The following KANSL1 variants were observed in gnomAD, a reference collection of about 807,000 sequenced individuals.
KANSL1 encodes the protein KAT8 regulatory NSL complex subunit 1, also known as MLL1/MLL complex subunit KANSL1.
KANSL1 carries 22 observed loss-of-function variants against 103.6 expected under a neutral mutation model. The ratio of observed to expected loss-of-function variants is 0.21; its 90% confidence interval spans 0.15 to 0.30. The LOEUF (loss-of-function observed/expected upper bound fraction) is 0.30, where lower values mean the gene tolerates loss of function less well. Ranked by LOEUF, KANSL1 falls within the 10% of genes least tolerant of loss-of-function variation. The pLI, the probability that KANSL1 is intolerant of heterozygous loss-of-function variation, is 1.00. For synonymous variants in KANSL1, 600 were observed against 527.6 expected (o/e 1.14, Z -1.88); for missense variants, 1,337 against 1,399.8 (o/e 0.96, Z 0.72).
At chr17:46,190,087 T>C (rs1036891054) in intron 1 of KANSL1, among the ~76,000 whole-genome samples, 4 of 152,200 alleles carry the variant, frequency 2.6e-5, no homozygotes, top group African/African-American at 7.2e-5. Context: ...AAACTTCTTA[T>C]TCACTTTAAA....
At chr17:46,090,130 G>C (rs189438881) in intron 3 of KANSL1, among the ~76,000 whole-genome samples, 102 of 152,336 alleles carry the variant, frequency 6.7e-4, no homozygotes, top group Non-Finnish European at 1.2e-3. Flanking sequence ...CAAAGAGAAA[G>C]ATGGTCATAT....
At position 46,207,327 on chromosome 17, in the gene KANSL1, T is replaced by C. The variant is rs184672870; in HGVS notation, c.-90+16344A>G. On this transcript the variant is annotated intron_variant, in intron 1 of 14. Transcript: ENST00000572904. ...GAGTTCAAGACCAACCTGGCCAAGATGGTGAAACCCCATCTCTACTAAAAA... is the reference window on the plus strand; with the variant it reads ...GAGTTCAAGACCAACCTGGCCAAGACGGTGAAACCCCATCTCTACTAAAAA... 7.5e-3 allele frequency among the ~76,000 whole-genome samples: 1,147 copies of C among 152,090 alleles called. 16 individuals carry two copies. Among genetic ancestry groups the C allele is most frequent in the Non-Finnish European group, 6.8e-3 (465 of 67,948 alleles).
chr17:46,050,756 G>C, intron 6 of KANSL1, 52 bp from the exon 7 acceptor site: 2 of 1,552,080 alleles, frequency 1.3e-6, no homozygotes, highest in Non-Finnish European at 1.8e-6. Flanking sequence ...TAAAAAGCCA[G>C]CTACCCATTT....
At chr17:46,109,160 C>T (rs2042696321) in intron 2 of KANSL1, among the ~76,000 whole-genome samples, 1 of 152,144 alleles carries the variant, frequency 6.6e-6, no homozygotes, top group Admixed American at 6.5e-5. Context: ...GTTGCCCAGG[C>T]TGGTCTCAAA....
chr17:46,120,925 C>T (rs1224376046), intron 2 of KANSL1, among the ~76,000 whole-genome samples: 1 of 152,166 alleles, frequency 6.6e-6, no homozygotes, highest in Non-Finnish European at 1.5e-5. Context: ...AAACTGAACT[C>T]CGATCTTCTC....
chr17:46,171,144 T>G lies in KANSL1; in HGVS notation c.1000A>C (p.Asn334His), dbSNP rs112150341. Residue 334 changes from asparagine (N) to histidine (H), a missense_variant, in exon 2 of 15, where the codon AAC becomes CAC. Transcript: ENST00000432791. ...CTCCGTGGTCTCAAGGATTCCAAGT[T>G]TGGCAGTTTGCTCAAAGTCTTCTCC... ...FLEKTLSKLP[N>H]LESLRPRSQL... The G allele has an allele frequency of 2.5e-6, 4 of 1,614,174 alleles. No individual in the cohort carries two copies. The South Asian group carries it at 4.4e-5, about 18-fold the overall frequency.
chr17:46,051,017 T>C (rs995875996), intron 6 of KANSL1, among the ~76,000 whole-genome samples: 15 of 152,240 alleles, frequency 9.9e-5, no homozygotes. Context: ...ACTAAAACTG[T>C]GCTTTCTGAG....
At chr17:46,196,881 A>G (rs1197112171), upstream of KANSL1, among the ~76,000 whole-genome samples, 1 of 152,186 alleles carries the variant, frequency 6.6e-6, no homozygotes, top group Non-Finnish European at 1.5e-5. Flanking sequence ...CCAATGTGAG[A>G]GTATTGCTTG....
chr17:46,206,083 C>CCAAAA (rs1491578296), intron 1 of KANSL1, among the ~76,000 whole-genome samples: 2 of 89,598 alleles, frequency 2.2e-5, no homozygotes, highest in Non-Finnish European at 2.0e-5. Context: ...CTGTGTCCCC[C>CCAAAA]AAAAAAAAAA....
chr17:46,094,434 T>C lies in KANSL1; in HGVS notation c.1431+126A>G, dbSNP rs902909611. On this transcript the variant is annotated intron_variant, in intron 3 of 14. Transcript: ENST00000432791. ...TAAATTAAACCACTATATCAGGTCATTAAACCATTTACTTTGCAATAGTTA... is the reference window on the plus strand; with the variant it reads ...TAAATTAAACCACTATATCAGGTCACTAAACCATTTACTTTGCAATAGTTA... 44 of 1,166,826 alleles carry C rather than the reference T, an allele frequency of 3.8e-5. No individual in the cohort carries two copies. The African/African-American group carries it at 5.5e-4, about 14-fold the overall frequency. 72.3% of individuals were successfully genotyped at this position (1,166,826 alleles called of 1,614,324 possible).
At chr17:46,096,311 C>CTTTCTTTCTTTCTTTTTTTTTTTTTTTT (rs753073992) in intron 2 of KANSL1, among the ~76,000 whole-genome samples, 42 of 76,386 alleles carry the variant, frequency 5.5e-4, no homozygotes, top group Non-Finnish European at 8.9e-4. Context: ...GCTTTTTTTT[C>CTTTCTTTCTTTCTTTTTTTTTTTTTTTT]TTTTTTTTTT....
chr17:46,106,097 A>C (rs1271887405), intron 2 of KANSL1, among the ~76,000 whole-genome samples: 1 of 152,222 alleles, frequency 6.6e-6, no homozygotes, highest in African/African-American at 2.4e-5. Context: ...TACTAAATCC[A>C]ACAGAAAAAC....
At chr17:46,038,505 G>T in intron 10 of KANSL1, 33 bp downstream of exon 10, 1 of 1,609,936 alleles carries the variant, frequency 6.2e-7, no homozygotes, top group Non-Finnish European at 8.5e-7. Context: ...ACCTGCAGAG[G>T]GGGTGTCCGG....
chr17:46,093,345 A>G (rs1201777147), intron 3 of KANSL1: 2 of 152,670 alleles, frequency 1.3e-5, no homozygotes, highest in African/African-American at 4.8e-5. Flanking sequence ...GTTTTGTTCC[A>G]GCTAATTTTT....
At chr17:46,167,579 G>C (rs1292666297) in intron 2 of KANSL1, among the ~76,000 whole-genome samples, 3 of 152,148 alleles carry the variant, frequency 2.0e-5, no homozygotes, top group African/African-American at 7.2e-5. Context: ...ACCAAGAAAG[G>C]AAGATATGTG....
chr17:46,158,793 G>A (rs2045575333), intron 2 of KANSL1, among the ~76,000 whole-genome samples: 1 of 152,020 alleles, frequency 6.6e-6, no homozygotes, highest in African/African-American at 2.4e-5. Flanking sequence ...TGCCTGCCTT[G>A]GCCTCACAAA....
chr17:46,070,724 GC>G (rs1395168240), intron 4 of KANSL1, among the ~76,000 whole-genome samples: 4 of 151,854 alleles, frequency 2.6e-5, no homozygotes, highest in African/African-American at 9.7e-5. Flanking sequence ...TTAAATTATG[GC>G]AGTGATTTGA....
intron 6 of KANSL1, among the ~76,000 whole-genome samples, chr17:46,054,129 A>C (rs2077829507): frequency 6.6e-6 from 1 of 152,082 alleles, no homozygotes; most frequent in African/African-American, 2.4e-5. Flanking sequence ...AAAAGAAAAA[A>C]AAAACAAGGA....
At chr17:46,203,542 T>C (rs1382075745) in intron 1 of KANSL1, among the ~76,000 whole-genome samples, 2 of 152,254 alleles carry the variant, frequency 1.3e-5, no homozygotes, top group East Asian at 3.8e-4. Context: ...ACTCGGTCAC[T>C]TTATAAGCTA....
Sources: gnomAD v4.1 joint callset for allele counts (sites outside exome capture counted in the v4.1 genomes callset) on GRCh38, gnomAD v4.1.1 for gene constraint, MANE v1.5 for transcripts, NCBI Gene and HGNC (gene_info 2026-07-23, HGNC 2026-07-21) for gene names.